LRBA: variants seen among roughly 807,000 people sequenced by gnomAD.
LRBA encodes the protein LPS responsive beige-like anchor protein.
In LRBA, 176 loss-of-function variants were observed where a neutral mutation model predicts 330.0. The ratio of observed to expected loss-of-function variants is 0.53; its 90% confidence interval spans 0.47 to 0.60. The LOEUF (loss-of-function observed/expected upper bound fraction) is 0.60. LRBA is among the 20% of genes least tolerant of loss of function. The pLI, the probability that LRBA is intolerant of heterozygous loss-of-function variation, is 0.00. For synonymous variants in LRBA, 1,230 were observed against 1,193.0 expected (o/e 1.03, Z -0.64); for missense variants, 3,259 against 3,444.8 (o/e 0.95, Z 1.35).
chr4:150,727,458 T>C (rs1260271277), intron 36 of LRBA, among the ~76,000 whole-genome samples: 1 of 152,094 alleles, frequency 6.6e-6, no homozygotes, highest in Non-Finnish European at 1.5e-5. Flanking sequence ...GAACAGACCA[T>C]ACGTTAGGTC....
At chr4:150,507,848 CTGGGT>C (rs1197997472) in intron 40 of LRBA, among the ~76,000 whole-genome samples, 3 of 152,046 alleles carry the variant, frequency 2.0e-5, no homozygotes, top group African/African-American at 7.2e-5. Flanking sequence ...CAACGACAGA[CTGGGT>C]TAAGAAAACG....
At chr4:150,849,942 A>C (rs1321645073) in intron 24 of LRBA, among the ~76,000 whole-genome samples, 1 of 152,194 alleles carries the variant, frequency 6.6e-6, no homozygotes, top group African/African-American at 2.4e-5. Context: ...ATGCCTATAA[A>C]ATGCTTTTAA....
In LRBA at chr4:150,929,074, G is replaced by GAAA. The variant is rs766044503; in HGVS notation, c.217-12_217-10dup. 9.7e-6 allele frequency: 12 copies of GAAA among 1,235,160 alleles called. No homozygotes were observed. The highest frequency in any genetic ancestry group is 1.6e-5 in the African/African-American group (1 of 62,668). The allele number at this position is 1,235,160 out of a possible 1,614,324, so 76.5% of individuals were successfully genotyped here. ...AACTGTCCTCCTACCAACTTACAAG[G>GAAA]AAAAAAAAAAAACACATTAAAAGCA... On this transcript the variant is annotated splice_polypyrimidine_tract_variant and intron_variant, in intron 2 of 56. Coordinates refer to ENST00000651943, the MANE Select transcript of LRBA (RefSeq NM_001364905.1).
At chr4:150,728,382 G>A (rs1023665461) in intron 36 of LRBA, among the ~76,000 whole-genome samples, 5 of 151,812 alleles carry the variant, frequency 3.3e-5, no homozygotes, top group Admixed American at 2.6e-4. Context: ...CAAAATCAAA[G>A]ACATATTAAA....
intron 17 of LRBA, among the ~76,000 whole-genome samples, chr4:150,885,989 A>T (rs893170040): frequency 2.6e-5 from 4 of 152,212 alleles, no homozygotes; most frequent in Non-Finnish European, 5.9e-5. Context: ...AAAACCACTA[A>T]TAAAAGATAA....
intron 47 of LRBA, among the ~76,000 whole-genome samples, chr4:150,402,552 C>A (rs1199717618): frequency 6.6e-6 from 1 of 151,980 alleles, no homozygotes; most frequent in African/African-American, 2.4e-5. Context: ...ATAATACAAA[C>A]TAAATTTGCC....
chr4:150,315,690 TAA>T (rs1338227424), intron 50 of LRBA, 67 bp from the exon 51 acceptor site: 2 of 948,568 alleles, frequency 2.1e-6, no homozygotes, highest in Admixed American at 2.6e-5. Context: ...TAAAAATGCA[TAA>T]GTCAAACCTT....
chr4:150,741,583 T>C (rs113888543), intron 35 of LRBA, among the ~76,000 whole-genome samples: 1 of 152,232 alleles, frequency 6.6e-6, no homozygotes, highest in African/African-American at 2.4e-5. Flanking sequence ...ATGGCAATTA[T>C]TTACAATAGC....
intron 9 of LRBA, among the ~76,000 whole-genome samples, chr4:150,911,130 C>G (rs182841977): frequency 6.6e-6 from 1 of 152,140 alleles, no homozygotes; most frequent in Admixed American, 6.6e-5. Flanking sequence ...TCATGCCATA[C>G]GCCAACAGAT....
chr4:150,537,052 G>T (rs898750514), intron 40 of LRBA, among the ~76,000 whole-genome samples: 5 of 152,162 alleles, frequency 3.3e-5, no homozygotes, highest in African/African-American at 9.7e-5. Context: ...AACAAAGCTG[G>T]AGGTTTCACA....
intron 38 of LRBA, chr4:150,597,161 C>G: frequency 1.1e-6 from 1 of 940,216 alleles, no homozygotes; most frequent in Non-Finnish European, 1.6e-6. Flanking sequence ...CAATTACTAT[C>G]GAGAGTAATC....
chr4:150,318,661 G>C (rs1224575011), intron 50 of LRBA, among the ~76,000 whole-genome samples: 1 of 152,114 alleles, frequency 6.6e-6, no homozygotes, highest in Non-Finnish European at 1.5e-5. Context: ...TCAAATTGGA[G>C]ATCACATTCT....
chr4:150,600,388 T>C (rs1773988978), intron 37 of LRBA, among the ~76,000 whole-genome samples: 1 of 152,176 alleles, frequency 6.6e-6, no homozygotes, highest in African/African-American at 2.4e-5. Context: ...TTTATTTTGA[T>C]GTTTTAAAGA....
chr4:150,356,184 A>G (rs1344352663), intron 47 of LRBA, among the ~76,000 whole-genome samples: 1 of 152,100 alleles, frequency 6.6e-6, no homozygotes, highest in African/African-American at 2.4e-5. Context: ...TGTTCCAATC[A>G]AAATATGCTT....
chr4:150,388,268 A>G (rs191361848), intron 47 of LRBA, among the ~76,000 whole-genome samples: 6 of 152,356 alleles, frequency 3.9e-5, no homozygotes, highest in Admixed American at 2.6e-4. Context: ...TCTATCTCCA[A>G]TACAATCACA....
intron 37 of LRBA, 31 bp downstream of exon 37, chr4:150,683,520 C>A: frequency 6.3e-7 from 1 of 1,589,892 alleles, no homozygotes; most frequent in South Asian, 1.1e-5. Context: ...TACAGAAAAT[C>A]AGTGGCCAAA....
chr4:150,413,817 G>A (rs1394495411), intron 47 of LRBA, among the ~76,000 whole-genome samples: 2 of 152,022 alleles, frequency 1.3e-5, no homozygotes, highest in East Asian at 3.9e-4. Flanking sequence ...ATCACTGAAA[G>A]AAAAAAGTTG....
At chr4:150,559,774 T>TTA (rs1332230467) in intron 40 of LRBA, among the ~76,000 whole-genome samples, 1 of 84,252 alleles carries the variant, frequency 1.2e-5, no homozygotes, top group Non-Finnish European at 2.1e-5. Context: ...ATTATATATA[T>TTA]TATATTATAT....
intron 37 of LRBA, among the ~76,000 whole-genome samples, chr4:150,625,135 C>T (rs1316210416): frequency 6.6e-6 from 1 of 151,892 alleles, no homozygotes; most frequent in Non-Finnish European, 1.5e-5. Flanking sequence ...AGAACAATTA[C>T]CAGGAGTAGG....
Sources: allele counts gnomAD v4.1 joint callset (sites outside exome capture counted in the v4.1 genomes callset), GRCh38; gene constraint gnomAD v4.1.1; transcripts MANE v1.5; gene names NCBI Gene and HGNC (gene_info 2026-07-23, HGNC 2026-07-21).